B3GALT1: variants seen among roughly 807,000 people sequenced by gnomAD.
The protein encoded by B3GALT1 is beta-1,3-galactosyltransferase 1, also known as UDP-Gal:betaGlcNAc beta 1,3-galactosyltransferase, polypeptide 1.
B3GALT1 carries 10 observed loss-of-function variants against 23.2 expected under a neutral mutation model. That is an observed-to-expected ratio of 0.43 (90% CI 0.27 to 0.73). The LOEUF (loss-of-function observed/expected upper bound fraction) is 0.73, where lower values mean the gene tolerates loss of function less well. B3GALT1 is among the 30% of genes least tolerant of loss of function. B3GALT1 has a pLI of 0.21. For missense variants in B3GALT1, 299 were observed against 405.4 expected, an observed-to-expected ratio of 0.74 and a Z score of 2.25; for synonymous variants, 156 against 141.5, an observed-to-expected ratio of 1.10 and a Z score of -0.73.
intron 3 of B3GALT1, among the ~76,000 whole-genome samples, chr2:167,701,313 G>C (rs1686878917): frequency 6.6e-6 from 1 of 152,088 alleles, no homozygotes; most frequent in South Asian, 2.1e-4. Context: ...GTGAGGGGGA[G>C]TGAGTTCCTG....
intron 1 of B3GALT1, among the ~76,000 whole-genome samples, chr2:167,352,749 C>T (rs993684003): frequency 1.3e-5 from 2 of 151,186 alleles, no homozygotes; most frequent in Non-Finnish European, 3.0e-5. Flanking sequence ...ACAAACTGTA[C>T]CAAGAACTGG....
At chr2:167,654,900 C>CGTGT (rs1417875023) in intron 3 of B3GALT1, among the ~76,000 whole-genome samples, 1 of 151,596 alleles carries the variant, frequency 6.6e-6, no homozygotes, top group Non-Finnish European at 1.5e-5. Flanking sequence ...TAACTACCCA[C>CGTGT]TAAATCAGTA....
In B3GALT1 at chr2:167,456,096, G is replaced by A. The variant is rs144195582; in HGVS notation, c.-510-34081G>A. Among the ~76,000 whole-genome samples, 563 of 152,250 alleles carry A rather than the reference G, an allele frequency of 3.7e-3. 5 individuals carry two copies. The highest frequency in any genetic ancestry group is 0.014 in the South Asian group (67 of 4,830). ...ACTGGGTAATTTATAAAGAATAAAG[G>A]TTTATTTGGCTCATGGTTCTGCAGA... On this transcript the variant is annotated intron_variant, in intron 1 of 4. Coordinates refer to ENST00000392690, the MANE Select transcript of B3GALT1 (RefSeq NM_020981.4).
At chr2:167,299,911 A>T (rs996668617) in intron 1 of B3GALT1, among the ~76,000 whole-genome samples, 4 of 150,780 alleles carry the variant, frequency 2.7e-5, no homozygotes, top group Non-Finnish European at 5.9e-5. Context: ...TTATTTCTTT[A>T]TTTATTTTGA....
intron 1 of B3GALT1, among the ~76,000 whole-genome samples, chr2:167,467,184 A>G (rs185458398): frequency 6.6e-6 from 1 of 152,140 alleles, no homozygotes; most frequent in African/African-American, 2.4e-5. Flanking sequence ...AGGGATATTA[A>G]GAAAAAGAGC....
intron 3 of B3GALT1, among the ~76,000 whole-genome samples, chr2:167,654,320 CT>C (rs1188030626): frequency 6.6e-6 from 1 of 152,124 alleles, no homozygotes; most frequent in Non-Finnish European, 1.5e-5. Flanking sequence ...AAACTAACTC[CT>C]TATTACCAGC....
chr2:167,806,762 T>C (rs1034633983), intron 3 of B3GALT1, among the ~76,000 whole-genome samples: 1 of 152,182 alleles, frequency 6.6e-6, no homozygotes, highest in African/African-American at 2.4e-5. Context: ...TCAGGGATAT[T>C]GGTCTAAAAT....
chr2:167,848,728 T>C (rs1241956891), intron 4 of B3GALT1, among the ~76,000 whole-genome samples: 1 of 152,184 alleles, frequency 6.6e-6, no homozygotes, highest in Non-Finnish European at 1.5e-5. Flanking sequence ...AACATGGTAC[T>C]GGAAGTCCTA....
intron 2 of B3GALT1, among the ~76,000 whole-genome samples, chr2:167,553,329 G>T (rs1292688292): frequency 6.6e-6 from 1 of 152,082 alleles, no homozygotes; most frequent in Non-Finnish European, 1.5e-5. Context: ...ATAAAACTTG[G>T]GTTAATAAAA....
chr2:167,861,961 G>A (rs1374929353), intron 4 of B3GALT1, among the ~76,000 whole-genome samples: 2 of 152,182 alleles, frequency 1.3e-5, no homozygotes, highest in Non-Finnish European at 2.9e-5. Context: ...GACATTCCTT[G>A]AGACACCAGA....
At chr2:167,846,619 C>A (rs1209345323) in intron 4 of B3GALT1, among the ~76,000 whole-genome samples, 2 of 152,184 alleles carry the variant, frequency 1.3e-5, no homozygotes, top group South Asian at 4.1e-4. Flanking sequence ...TGAAACAAAT[C>A]CTGTAAACAC....
chr2:167,318,500 T>C (rs947711838), intron 1 of B3GALT1, among the ~76,000 whole-genome samples: 3 of 152,120 alleles, frequency 2.0e-5, no homozygotes, highest in Admixed American at 6.5e-5. Context: ...CAGGCTCTTA[T>C]CTTATTTAGA....
intron 3 of B3GALT1, among the ~76,000 whole-genome samples, chr2:167,663,762 T>G (rs1273425527): frequency 2.0e-5 from 3 of 152,166 alleles, no homozygotes. Flanking sequence ...ATGTCTTCTT[T>G]TGAGAAGTCT....
chr2:167,359,767 CT>C (rs34142201), intron 1 of B3GALT1, among the ~76,000 whole-genome samples: 113,711 of 146,104 alleles, frequency 0.78, 45,595 homozygotes, highest in East Asian at 0.92. Context: ...TGCCCTTCAT[CT>C]TTTTTTTTTT....
At chr2:167,330,886 G>A (rs1696961776) in intron 1 of B3GALT1, among the ~76,000 whole-genome samples, 1 of 151,684 alleles carries the variant, frequency 6.6e-6, no homozygotes. Context: ...TCCTTTGAAT[G>A]TATCAATTTG....
At chr2:167,368,109 C>G (rs1038789585) in intron 1 of B3GALT1, among the ~76,000 whole-genome samples, 1 of 152,114 alleles carries the variant, frequency 6.6e-6, no homozygotes, top group East Asian at 1.9e-4. Context: ...GAAAGCATGA[C>G]ACCTTCATCT....
At chr2:167,359,400 A>T (rs999774480) in intron 1 of B3GALT1, among the ~76,000 whole-genome samples, 1 of 152,210 alleles carries the variant, frequency 6.6e-6, no homozygotes, top group African/African-American at 2.4e-5. Context: ...GCCATTACCC[A>T]CAACTGCAGT....
At chr2:167,362,512 C>G (rs1490871767) in intron 1 of B3GALT1, among the ~76,000 whole-genome samples, 1 of 152,012 alleles carries the variant, frequency 6.6e-6, no homozygotes, top group Non-Finnish European at 1.5e-5. Context: ...TCTTTTGATT[C>G]ATTATTTGAT....
intron 3 of B3GALT1, among the ~76,000 whole-genome samples, chr2:167,666,269 A>C (rs750863779): frequency 6.6e-6 from 1 of 152,092 alleles, no homozygotes; most frequent in Non-Finnish European, 1.5e-5. Flanking sequence ...TTTGAGTGAG[A>C]TTCTTAATCC....
Sources: gnomAD v4.1 joint callset for allele counts (sites outside exome capture counted in the v4.1 genomes callset) on GRCh38, gnomAD v4.1.1 for gene constraint, MANE v1.5 for transcripts, NCBI Gene and HGNC (gene_info 2026-07-23, HGNC 2026-07-21) for gene names.